Variants in COL11A1 observed in about 807,000 individuals in gnomAD.
The protein encoded by COL11A1 is collagen type XI alpha 1 chain, also known as collagen alpha-1(XI) chain.
A neutral mutation model predicts 265.2 loss-of-function variants in COL11A1; 74 were observed. The ratio of observed to expected loss-of-function variants is 0.28; its 90% CI spans 0.23 to 0.34. The LOEUF is 0.34. Ranked by LOEUF, COL11A1 falls within the 10% of genes least tolerant of loss-of-function variation. The pLI is 1.00. For synonymous variants in COL11A1, 816 were observed against 727.6 expected (o/e 1.12, Z -1.96); for missense variants, 2,165 against 2,263.6 (o/e 0.96, Z 0.88).
chr1:102,934,996 A>G (rs1570783639), intron 45 of COL11A1, 64 bp downstream of exon 45: 2 of 1,464,898 alleles, frequency 1.4e-6, no homozygotes, highest in African/African-American at 2.8e-5. Flanking sequence ...GTTATGGGAC[A>G]GTATACAAAT....
intron 9 of COL11A1, among the ~76,000 whole-genome samples, chr1:103,019,934 CTGCATAGTATTCCATGGTGTATATG>C (rs1174079209): frequency 6.8e-6 from 1 of 147,268 alleles, no homozygotes; most frequent in Non-Finnish European, 1.5e-5. Context: ...TTTTTTATGG[CTGCATAGTATTCCATGGTGTATATG>C]TGCCACATTT....
chr1:102,970,391 C>T (rs1308319822), intron 36 of COL11A1, 119 bp from the exon 37 acceptor site: 1 of 713,456 alleles, frequency 1.4e-6, no homozygotes, highest in Admixed American at 2.6e-5. Context: ...TTTTACTTTG[C>T]TCTTCTGTTG....
Position 103,004,593 on chromosome 1 carries a change from G to A in COL11A1, c.1899+15C>T, listed in dbSNP as rs773601435. 3 of 1,602,488 alleles carry A rather than the reference G, an allele frequency of 1.9e-6. No individual in the cohort carries two copies. In the East Asian group the frequency reaches 6.8e-5, roughly 36 times the overall value. ...TAATTTTAAATATTTCTTAAGAAAAGAAGTATTAACATACCCTCATTCCAT... is the reference window on the plus strand; with the variant it reads ...TAATTTTAAATATTTCTTAAGAAAAAAAGTATTAACATACCCTCATTCCAT... On this transcript the variant is annotated intron_variant, in intron 19 of 66. Coordinates refer to ENST00000370096, the MANE Select transcript of COL11A1 (RefSeq NM_001854.4).
intron 9 of COL11A1, among the ~76,000 whole-genome samples, chr1:103,020,915 T>C (rs1261956889): frequency 7.1e-6 from 1 of 140,440 alleles, no homozygotes; most frequent in Non-Finnish European, 1.6e-5. Context: ...TGCAGCGTTA[T>C]TTCTGAGGGC....
intron 4 of COL11A1, among the ~76,000 whole-genome samples, chr1:103,039,886 C>T (rs1267075805): frequency 6.6e-6 from 1 of 151,882 alleles, no homozygotes; most frequent in Non-Finnish European, 1.5e-5. Context: ...TAAGTAGATG[C>T]TGTAGAAATA....
chr1:103,091,217 A>T (rs575550802), intron 1 of COL11A1, among the ~76,000 whole-genome samples: 2 of 152,174 alleles, frequency 1.3e-5, no homozygotes, highest in South Asian at 4.1e-4. Flanking sequence ...AATATTGTAG[A>T]CCCTTTCCTC....
chr1:102,914,278 T>G (rs1655041133), intron 52 of COL11A1, 74 bp downstream of exon 52: 2 of 1,188,982 alleles, frequency 1.7e-6, no homozygotes, highest in East Asian at 4.9e-5. Context: ...TTAGATTTTT[T>G]TTTCTTTATT....
At chr1:103,053,676 C>G (rs951848745) in intron 4 of COL11A1, among the ~76,000 whole-genome samples, 2 of 152,190 alleles carry the variant, frequency 1.3e-5, no homozygotes, top group Non-Finnish European at 2.9e-5. Context: ...AGTTGTGGCT[C>G]TGTCTACTCT....
chr1:102,929,027 C>T (rs1657018047), intron 46 of COL11A1, among the ~76,000 whole-genome samples: 1 of 140,320 alleles, frequency 7.1e-6, no homozygotes, highest in East Asian at 2.1e-4. Flanking sequence ...AAAATTTTCT[C>T]CCATTTTGTA....
At chr1:102,967,430 C>T (rs1180537481) in intron 37 of COL11A1, among the ~76,000 whole-genome samples, 3 of 151,536 alleles carry the variant, frequency 2.0e-5, no homozygotes, top group South Asian at 2.1e-4. Context: ...TTAGTAGAGA[C>T]GGGGTTTCAC....
At chr1:103,097,141 T>C (rs1393659071) in intron 1 of COL11A1, among the ~76,000 whole-genome samples, 1 of 151,990 alleles carries the variant, frequency 6.6e-6, no homozygotes, top group Non-Finnish European at 1.5e-5. Context: ...GACAACCTAG[T>C]TATGTGTTGA....
chr1:103,015,630 G>T (rs746067734), intron 12 of COL11A1, 38 bp downstream of exon 12: 3 of 1,435,412 alleles, frequency 2.1e-6, no homozygotes, highest in Non-Finnish European at 2.9e-6. Context: ...AAGATGACAA[G>T]ATATCAAGTC....
chr1:102,991,554 C>A (rs1297243287), intron 28 of COL11A1, among the ~76,000 whole-genome samples: 1 of 152,044 alleles, frequency 6.6e-6, no homozygotes, highest in Non-Finnish European at 1.5e-5. Flanking sequence ...AATATGCCGT[C>A]CTGCATTTTC....
rs866517321 is a variant in COL11A1, at chr1:103,055,269, C to T, written c.651+19349G>A. Among the ~76,000 whole-genome samples the T allele has an allele frequency of 5.9e-5, 9 of 152,202 alleles. No homozygotes were observed. In the South Asian group the frequency reaches 8.3e-4, roughly 14 times the overall value. ...GTTAGATACTGTATGATACCCTTAC[C>T]TTCATCTTTTATTTCTCAATTAAAC... On this transcript the variant is annotated intron_variant, in intron 4 of 66. Coordinates refer to ENST00000370096, the MANE Select transcript of COL11A1 (RefSeq NM_001854.4).
rs541363753 is a variant in COL11A1 at position 103,012,586 on chromosome 1, C to G, written c.1573-117G>C. On this transcript the variant is annotated intron_variant, in intron 13 of 66. Coordinates refer to ENST00000370096, the MANE Select transcript of COL11A1 (RefSeq NM_001854.4). ...TACATGATCAACACAGATTTAATAA[C>G]TACATGCTAGAAAGAGTGTCAGGTT... The G allele has an allele frequency of 7.8e-6, 6 of 770,154 alleles. No individual in the cohort carries two copies. The South Asian group carries it at 9.0e-5, about 12-fold the overall frequency. 47.7% of individuals were successfully genotyped at this position (770,154 alleles called of 1,614,324 possible).
At chr1:102,976,289 C>CTTTTTTTT (rs149842131) in intron 35 of COL11A1, among the ~76,000 whole-genome samples, 692 of 58,596 alleles carry the variant, frequency 0.012, 204 homozygotes, top group East Asian at 0.046. Context: ...AAAACGTTGG[C>CTTTTTTTT]TTTTTTTTTT....
At chr1:103,083,503 G>T (rs1279448127) in intron 1 of COL11A1, among the ~76,000 whole-genome samples, 1 of 151,880 alleles carries the variant, frequency 6.6e-6, no homozygotes, top group Admixed American at 6.6e-5. Flanking sequence ...ATGTACAATG[G>T]ATGTTATATG....
chr1:102,883,509 A>G (rs1650534986), intron 63 of COL11A1, among the ~76,000 whole-genome samples, 198 bp from the exon 64 acceptor site: 1 of 152,158 alleles, frequency 6.6e-6, no homozygotes, highest in South Asian at 2.1e-4. Context: ...AAAGCTTTGC[A>G]AATGCCCCAT....
Position 103,004,477 on chromosome 1 carries a change from T to C in COL11A1, c.1911A>G (p.Gly637=), listed in dbSNP as rs113101978. The change falls in exon 20 of 67, where the codon GGA becomes GGG. Residue 637 remains glycine (G), a synonymous_variant. Coordinates refer to ENST00000370096, the MANE Select transcript of COL11A1 (RefSeq NM_001854.4). ...CTGGAAGACCTCTTGGTCCAATTTC[T>C]CCATCTTCTCCCTGTCATTGACAAA... is the stretch of plus-strand genomic sequence containing the variant. The part of the protein sequence containing the change: ...PGDDGMRGED[G]EIGPRGLPGE... 5.6e-6 allele frequency: 9 copies of C among 1,611,920 alleles called. No homozygotes were observed. Among genetic ancestry groups the C allele is most frequent in the Non-Finnish European group, 7.6e-6 (9 of 1,178,682 alleles).
Sources: allele counts gnomAD v4.1 joint callset (sites outside exome capture counted in the v4.1 genomes callset), GRCh38; gene constraint gnomAD v4.1.1; transcripts MANE v1.5; gene names NCBI Gene and HGNC (gene_info 2026-07-23, HGNC 2026-07-21).